The following CENPW variants were observed in gnomAD, a reference collection of about 807,000 sequenced individuals.
The protein encoded by CENPW is cancer-up-regulated gene 2 protein.
In CENPW, 3 loss-of-function variants were observed where a neutral mutation model predicts 11.1. That is an observed-to-expected ratio of 0.27 (90% CI 0.12 to 0.70). CENPW has a LOEUF of 0.70. Among genes scored for constraint, CENPW ranks in the 30% least tolerant of loss-of-function variants. The probability of loss-of-function intolerance (pLI) is 0.77; values close to 1 mark genes in which losing one functional copy is unlikely to be tolerated. For missense variants in CENPW, 100 were observed against 105.6 expected, an observed-to-expected ratio of 0.95 and a Z score of 0.23; for synonymous variants, 38 against 42.0, an observed-to-expected ratio of 0.91 and a Z score of 0.37.
At chr6:126,466,351 T>A in the CENPW span, among the ~76,000 whole-genome samples, 1 of 152,108 alleles carries the variant, frequency 6.6e-6, no homozygotes, top group African/African-American at 2.4e-5. Flanking sequence ...CACTGAACTT[T>A]AGTTGATAAA....
the CENPW span, among the ~76,000 whole-genome samples, chr6:126,374,024 C>G: frequency 6.6e-6 from 1 of 152,096 alleles, no homozygotes; most frequent in African/African-American, 2.4e-5. Context: ...GACTGAAGTA[C>G]TCTCCAAAGA....
At chr6:126,366,264 C>T in the CENPW span, among the ~76,000 whole-genome samples, 1 of 151,850 alleles carries the variant, frequency 6.6e-6, no homozygotes, top group Non-Finnish European at 1.5e-5. Flanking sequence ...AAAAAAATTA[C>T]CTTACTCATA....
chr6:126,447,047 T>A, the CENPW span, among the ~76,000 whole-genome samples: 1 of 151,162 alleles, frequency 6.6e-6, no homozygotes, highest in African/African-American at 2.4e-5. Context: ...AGCTGAGGCC[T>A]ACCTGCTGTT....
At chr6:126,426,192 A>G in the CENPW span, among the ~76,000 whole-genome samples, 2 of 152,202 alleles carry the variant, frequency 1.3e-5, no homozygotes, top group Admixed American at 1.3e-4. Flanking sequence ...TATCATAGTT[A>G]GATGTTAGCT....
chr6:126,354,376 C>A, the CENPW span, among the ~76,000 whole-genome samples: 7 of 152,194 alleles, frequency 4.6e-5, no homozygotes, highest in South Asian at 2.1e-4. Flanking sequence ...GAACACTAAT[C>A]TTTGACATGT....
chr6:126,463,781 A>G, the CENPW span, among the ~76,000 whole-genome samples: 1 of 152,102 alleles, frequency 6.6e-6, no homozygotes, highest in Non-Finnish European at 1.5e-5. Flanking sequence ...TATACCTATT[A>G]CACAAATTGA....
At chr6:126,359,771 T>TA in the CENPW span, among the ~76,000 whole-genome samples, 1 of 151,868 alleles carries the variant, frequency 6.6e-6, no homozygotes, top group Admixed American at 6.6e-5. Context: ...TTTTTTTTTT[T>TA]ACATTTGCAT....
chr6:126,478,810 T>C, the CENPW span, among the ~76,000 whole-genome samples: 1 of 151,990 alleles, frequency 6.6e-6, no homozygotes, highest in African/African-American at 2.4e-5. Flanking sequence ...GAGAATCCTC[T>C]TGGCTCTTTC....
the CENPW span, among the ~76,000 whole-genome samples, chr6:126,400,477 T>TC: frequency 7.2e-5 from 11 of 152,044 alleles, no homozygotes; most frequent in Admixed American, 6.6e-5. Flanking sequence ...TATACATCTG[T>TC]GTTTCTTGTT....
chr6:126,437,287 A>G, the CENPW span, among the ~76,000 whole-genome samples: 1 of 151,920 alleles, frequency 6.6e-6, no homozygotes, highest in Non-Finnish European at 1.5e-5. Flanking sequence ...ACACTTAGAT[A>G]TTTCTCAAAA....
At chr6:126,343,730 T>A (rs1207442804) in intron 1 of CENPW, among the ~76,000 whole-genome samples, 1 of 152,186 alleles carries the variant, frequency 6.6e-6, no homozygotes, top group Non-Finnish European at 1.5e-5. Flanking sequence ...ACTCAGCAAG[T>A]CAAGTACTTT....
At chr6:126,416,176 T>G in the CENPW span, among the ~76,000 whole-genome samples, 5 of 152,116 alleles carry the variant, frequency 3.3e-5, no homozygotes, top group African/African-American at 1.2e-4. Context: ...TCTTCTTATG[T>G]TTTAGCAAAG....
chr6:126,400,348 A>G, the CENPW span, among the ~76,000 whole-genome samples: 1 of 152,166 alleles, frequency 6.6e-6, no homozygotes, highest in South Asian at 2.1e-4. Flanking sequence ...GGTTATTCAT[A>G]TATCTTCTTT....
At chr6:126,457,208 A>T in the CENPW span, among the ~76,000 whole-genome samples, 1 of 151,276 alleles carries the variant, frequency 6.6e-6, no homozygotes, top group Non-Finnish European at 1.5e-5. Context: ...CCAATATGGG[A>T]GTATATACCA....
chr6:126,416,929 G>T, the CENPW span, among the ~76,000 whole-genome samples: 4 of 152,200 alleles, frequency 2.6e-5, no homozygotes, highest in Non-Finnish European at 4.4e-5. Context: ...TAGTGGAACT[G>T]TGAGAAGAAG....
At chr6:126,410,778 T>C in the CENPW span, among the ~76,000 whole-genome samples, 1 of 151,962 alleles carries the variant, frequency 6.6e-6, no homozygotes, top group Admixed American at 6.6e-5. Context: ...GTTGGGGCTT[T>C]CACTTGTATT....
the CENPW span, among the ~76,000 whole-genome samples, chr6:126,371,007 A>G: frequency 3.9e-5 from 6 of 151,908 alleles, no homozygotes; most frequent in Non-Finnish European, 8.8e-5. Context: ...ACCTCAGGTA[A>G]TCCACCCGCC....
the CENPW span, among the ~76,000 whole-genome samples, chr6:126,415,358 A>T: frequency 6.6e-6 from 1 of 152,160 alleles, no homozygotes; most frequent in Non-Finnish European, 1.5e-5. Context: ...ATTTTCCCTA[A>T]ATTGTTACAA....
At chr6:126,468,420 CAAAAAA>C in the CENPW span, among the ~76,000 whole-genome samples, 12 of 53,536 alleles carry the variant, frequency 2.2e-4, no homozygotes, top group Admixed American at 6.2e-4. Context: ...AACTCTGTCT[CAAAAAA>C]AAAAAAAAAA....
Sources: allele counts gnomAD v4.1 joint callset (sites outside exome capture counted in the v4.1 genomes callset), GRCh38; gene constraint gnomAD v4.1.1; transcripts MANE v1.5; gene names NCBI Gene and HGNC (gene_info 2026-07-23, HGNC 2026-07-21).